PPP4R3B: variants seen among roughly 807,000 people sequenced by gnomAD.
PPP4R3B encodes protein phosphatase 4 regulatory subunit 3B.
Under a neutral mutation model 95.4 loss-of-function variants are expected in PPP4R3B, and 52 were observed. That is an observed-to-expected ratio of 0.54 (90% CI 0.44 to 0.69). The LOEUF (loss-of-function observed/expected upper bound fraction) is 0.69. Ranked by LOEUF, PPP4R3B falls within the 30% of genes least tolerant of loss-of-function variation. The pLI is 0.00. For synonymous variants in PPP4R3B, 407 were observed against 343.9 expected (o/e 1.18, Z -2.03); for missense variants, 1,003 against 1,005.9 (o/e 1.00, Z 0.04).
Position 55,595,239 on chromosome 2 carries a change from G to C in PPP4R3B, c.921+3177C>G, listed in dbSNP as rs144844785. ...GAGTTTCGCCATGTTGGTCAGGCTG[G>C]TCTCAAACTCCTGACCACAAGTGAT... On this transcript the variant is annotated intron_variant, in intron 4 of 16. Coordinates refer to ENST00000616407, the MANE Select transcript of PPP4R3B (RefSeq NM_001122964.3). 3.7e-3 allele frequency among the ~76,000 whole-genome samples: 555 copies of C among 151,870 alleles called. 3 individuals carry two copies. Among genetic ancestry groups the C allele is most frequent in the African/African-American group, 0.011 (465 of 41,478 alleles).
intron 3 of PPP4R3B, among the ~76,000 whole-genome samples, chr2:55,601,269 CT>C (rs1319157295): frequency 6.6e-6 from 1 of 152,166 alleles, no homozygotes; most frequent in African/African-American, 2.4e-5. Context: ...AAGACCACCC[CT>C]CCTCTTAAAA....
At chr2:55,564,784 C>G in intron 14 of PPP4R3B, 118 bp downstream of exon 14, 3 of 1,229,154 alleles carry the variant, frequency 2.4e-6, no homozygotes, top group Non-Finnish European at 2.3e-6. Context: ...CTATTCAACT[C>G]TATGCTATCC....
chr2:55,566,389 G>A (rs1422421774), intron 13 of PPP4R3B, among the ~76,000 whole-genome samples: 1 of 152,164 alleles, frequency 6.6e-6, no homozygotes, highest in Non-Finnish European at 1.5e-5. Context: ...GGACAGGGTT[G>A]TAAACTCTAC....
intron 4 of PPP4R3B, among the ~76,000 whole-genome samples, chr2:55,589,938 A>T (rs1238752465): frequency 1.5e-5 from 2 of 135,006 alleles, no homozygotes; most frequent in Non-Finnish European, 3.3e-5. Context: ...AATTATATAT[A>T]TATAAAAAAT....
chr2:55,573,900 T>C, intron 11 of PPP4R3B, 123 bp from the exon 12 acceptor site: 1 of 782,566 alleles, frequency 1.3e-6, no homozygotes, highest in Non-Finnish European at 1.8e-6. Context: ...TTTTTTTTTT[T>C]TTTTTTGAGA....
At chr2:55,613,922 G>C (rs1463584652) in intron 2 of PPP4R3B, among the ~76,000 whole-genome samples, 1 of 152,034 alleles carries the variant, frequency 6.6e-6, no homozygotes, top group Non-Finnish European at 1.5e-5. Context: ...ATTAAGAGCT[G>C]CCTGGCTGAC....
chr2:55,580,762 T>G (rs906603137), intron 8 of PPP4R3B, among the ~76,000 whole-genome samples: 11 of 152,312 alleles, frequency 7.2e-5, no homozygotes, highest in Admixed American at 2.0e-4. Flanking sequence ...TCTCTAAATA[T>G]GAAGGAAATT....
At chr2:55,603,871 CATTA>C in intron 3 of PPP4R3B, 103 bp downstream of exon 3, 1 of 661,398 alleles carries the variant, frequency 1.5e-6, no homozygotes, top group South Asian at 2.7e-5. Flanking sequence ...TCAAGTCTCA[CATTA>C]AGACACTATC....
In PPP4R3B at chr2:55,547,483, C is replaced by G. The variant is rs1684851030; in HGVS notation, c.*2428G>C. 1 of 152,158 alleles carries G rather than the reference C, an allele frequency of 6.6e-6. No individual in the cohort carries two copies. Among genetic ancestry groups the G allele is most frequent in the Non-Finnish European group, 1.5e-5 (1 of 68,030 alleles). The allele number at this position is 152,158 out of a possible 1,614,324, so 9.4% of individuals were successfully genotyped here. On this transcript the variant is annotated 3_prime_UTR_variant, in exon 17 of 17. Transcript: ENST00000616407. ...GACAGCCGCTAACATGGAATTCTCA[C>G]AATTGTTCTTTTGAGGGATATTTTA...
intron 16 of PPP4R3B, among the ~76,000 whole-genome samples, chr2:55,555,551 T>C (rs1169028708): frequency 6.6e-6 from 1 of 151,878 alleles, no homozygotes; most frequent in South Asian, 2.1e-4. Context: ...CCATCTCTAC[T>C]GAAAATACAA....
chr2:55,602,477 T>C (rs1692755872), intron 3 of PPP4R3B, among the ~76,000 whole-genome samples: 1 of 152,198 alleles, frequency 6.6e-6, no homozygotes, highest in African/African-American at 2.4e-5. Flanking sequence ...AGACATACTA[T>C]GCTAACAATG....
At chr2:55,609,867 T>C (rs1427458639) in intron 2 of PPP4R3B, among the ~76,000 whole-genome samples, 1 of 152,048 alleles carries the variant, frequency 6.6e-6, no homozygotes, top group Non-Finnish European at 1.5e-5. Flanking sequence ...CAGCAAGATA[T>C]ATAAGAAACT....
chr2:55,593,810 A>C (rs1200095091), intron 4 of PPP4R3B, among the ~76,000 whole-genome samples: 1 of 152,186 alleles, frequency 6.6e-6, no homozygotes, highest in African/African-American at 2.4e-5. Context: ...TTGAAAACAC[A>C]ATTCATACCC....
chr2:55,581,539 A>G (rs1163154594), intron 8 of PPP4R3B, 28 bp downstream of exon 8: 4 of 1,599,232 alleles, frequency 2.5e-6, no homozygotes, highest in Non-Finnish European at 1.7e-6. Flanking sequence ...CTAGGCCAAA[A>G]CATTTTTATC....
At chr2:55,601,912 C>T (rs966130179) in intron 3 of PPP4R3B, among the ~76,000 whole-genome samples, 1 of 152,074 alleles carries the variant, frequency 6.6e-6, no homozygotes, top group African/African-American at 2.4e-5. Flanking sequence ...ACCACTGGCC[C>T]ATGCTGCAGT....
intron 11 of PPP4R3B, among the ~76,000 whole-genome samples, chr2:55,576,263 G>C (rs1202630185): frequency 6.6e-6 from 1 of 151,966 alleles, no homozygotes; most frequent in Non-Finnish European, 1.5e-5. Context: ...GCGGGAGATG[G>C]TTTGAACCCA....
Position 55,617,366 on chromosome 2 carries a change from G to C in PPP4R3B, c.-81C>G. 2 of 1,394,232 alleles carry C rather than the reference G, an allele frequency of 1.4e-6. No homozygotes were observed. Among genetic ancestry groups the C allele is most frequent in the Non-Finnish European group, 9.4e-7 (1 of 1,064,954 alleles). The allele number at this position is 1,394,232 out of a possible 1,614,324, so 86.4% of individuals were successfully genotyped here. On this transcript the variant is annotated 5_prime_UTR_variant, in exon 1 of 17. Transcript: ENST00000616407. ...CTCCTCACTCTTAGGAGACGGTAAA[G>C]GCAGTAGTGGCGGTGGCGGCGGCGG...
At chr2:55,611,435 T>A (rs1694152517) in intron 2 of PPP4R3B, among the ~76,000 whole-genome samples, 1 of 152,262 alleles carries the variant, frequency 6.6e-6, no homozygotes, top group South Asian at 2.1e-4. Context: ...ATATAATGAT[T>A]CTCTTCTCTT....
At chr2:55,557,031 C>T (rs540104035) in intron 16 of PPP4R3B, among the ~76,000 whole-genome samples, 1 of 152,226 alleles carries the variant, frequency 6.6e-6, no homozygotes, top group African/African-American at 2.4e-5. Flanking sequence ...CCACTGCACT[C>T]CAGGCTGGGT....
Sources: allele counts gnomAD v4.1 joint callset (sites outside exome capture counted in the v4.1 genomes callset), GRCh38; gene constraint gnomAD v4.1.1; transcripts MANE v1.5; gene names NCBI Gene and HGNC (gene_info 2026-07-23, HGNC 2026-07-21).